SDCCAG8: variants seen among roughly 807,000 people sequenced by gnomAD.
The protein encoded by SDCCAG8 is SHH signaling and ciliogenesis regulator SDCCAG8, also known as serologically defined colon cancer antigen 8.
A neutral mutation model predicts 101.8 loss-of-function variants in SDCCAG8; 74 were observed. The observed-to-expected ratio is 0.73, with a 90% CI of 0.60 to 0.88. The LOEUF is 0.88. Ranked by LOEUF, SDCCAG8 falls within the 40% of genes least tolerant of loss-of-function variation. The pLI, the probability that SDCCAG8 is intolerant of heterozygous loss-of-function variation, is 0.00. For synonymous variants in SDCCAG8, 281 were observed against 292.9 expected, an observed-to-expected ratio of 0.96 and a Z score of 0.41; for missense variants, 787 against 822.6, an observed-to-expected ratio of 0.96 and a Z score of 0.53.
At chr1:243,268,144 C>G in intron 1 of SDCCAG8, 1 of 637,948 alleles carries the variant, frequency 1.6e-6, no homozygotes, top group Non-Finnish European at 2.8e-6. Context: ...CCTGTTTCTT[C>G]CGTAATCACC....
chr1:243,388,411 G>T (rs960292011), intron 13 of SDCCAG8, among the ~76,000 whole-genome samples: 1 of 152,112 alleles, frequency 6.6e-6, no homozygotes, highest in African/African-American at 2.4e-5. Flanking sequence ...CGCACTTTTG[G>T]GTGCTGTGGC....
intron 13 of SDCCAG8, among the ~76,000 whole-genome samples, chr1:243,413,422 T>G (rs1313378982): frequency 6.6e-6 from 1 of 152,194 alleles, no homozygotes; most frequent in Non-Finnish European, 1.5e-5. Context: ...GCCATGCTGA[T>G]CTCTAACTCC....
chr1:243,439,217 A>G (rs1005262055), intron 16 of SDCCAG8, among the ~76,000 whole-genome samples: 25 of 151,988 alleles, frequency 1.6e-4, no homozygotes, highest in African/African-American at 5.6e-4. Flanking sequence ...GCAGTTGTGC[A>G]GTCATGGCTC....
At chr1:243,320,123 A>T (rs1318429158) in intron 9 of SDCCAG8, among the ~76,000 whole-genome samples, 1 of 152,124 alleles carries the variant, frequency 6.6e-6, no homozygotes, top group African/African-American at 2.4e-5. Flanking sequence ...ACTCACTAAC[A>T]TGCTCTGATC....
intron 6 of SDCCAG8, among the ~76,000 whole-genome samples, chr1:243,300,217 A>C (rs972070425): frequency 7.9e-5 from 12 of 152,134 alleles, no homozygotes; most frequent in Non-Finnish European, 1.6e-4. Context: ...GTCTGAAAAA[A>C]ATCTTTAGTA....
intron 1 of SDCCAG8, among the ~76,000 whole-genome samples, chr1:243,266,134 G>T (rs927156832): frequency 6.6e-6 from 1 of 152,072 alleles, no homozygotes; most frequent in East Asian, 1.9e-4. Flanking sequence ...ATTAAATAAA[G>T]CTAGTTAACA....
intron 8 of SDCCAG8, among the ~76,000 whole-genome samples, chr1:243,309,002 A>G (rs1198925960): frequency 1.3e-5 from 2 of 152,084 alleles, no homozygotes; most frequent in Non-Finnish European, 2.9e-5. Context: ...TTTGTCCTCA[A>G]CTGACTTAGG....
chr1:243,272,503 C>T (rs12760694), intron 3 of SDCCAG8, among the ~76,000 whole-genome samples: 2,750 of 152,276 alleles, frequency 0.018, 36 homozygotes, highest in Non-Finnish European at 0.028. Flanking sequence ...CTAGCTTGCT[C>T]TTAAGCACAG....
intron 16 of SDCCAG8, among the ~76,000 whole-genome samples, chr1:243,487,372 G>C (rs923619226): frequency 6.6e-6 from 1 of 152,262 alleles, no homozygotes; most frequent in Non-Finnish European, 1.5e-5. Flanking sequence ...GGGACGGGTA[G>C]GGGCCGATGA....
At chr1:243,487,525 TGGAG>T (rs1185057603) in intron 16 of SDCCAG8, among the ~76,000 whole-genome samples, 1 of 152,162 alleles carries the variant, frequency 6.6e-6, no homozygotes, top group Non-Finnish European at 1.5e-5. Context: ...CCTACTTGGA[TGGAG>T]GATCTTTGCT....
At chr1:243,327,260 T>C (rs1195404384) in intron 9 of SDCCAG8, among the ~76,000 whole-genome samples, 3 of 150,014 alleles carry the variant, frequency 2.0e-5, no homozygotes, top group Non-Finnish European at 3.0e-5. Flanking sequence ...TCAGTTACTA[T>C]AAAATTATAA....
chr1:243,407,222 A>G (rs2079848661), intron 13 of SDCCAG8, among the ~76,000 whole-genome samples: 1 of 152,232 alleles, frequency 6.6e-6, no homozygotes, highest in Non-Finnish European at 1.5e-5. Flanking sequence ...CATGTGAGGC[A>G]GTGCCATGGA....
intron 17 of SDCCAG8, among the ~76,000 whole-genome samples, chr1:243,495,296 C>T (rs901991427): frequency 1.3e-5 from 2 of 152,236 alleles, no homozygotes; most frequent in Admixed American, 6.5e-5. Context: ...TCTTACGGAA[C>T]GTCCCACTTC....
chr1:243,487,745 G>C (rs1665306308), intron 16 of SDCCAG8: 1 of 152,328 alleles, frequency 6.6e-6, no homozygotes, highest in Non-Finnish European at 1.5e-5. Flanking sequence ...GGGAGGCGGG[G>C]CTTCCTGGGA....
At chr1:243,310,737 A>G (rs534859574) in intron 8 of SDCCAG8, among the ~76,000 whole-genome samples, 4 of 152,332 alleles carry the variant, frequency 2.6e-5, no homozygotes, top group African/African-American at 9.6e-5. Flanking sequence ...CAAAAGACCA[A>G]TAGAATAAAT....
At position 243,394,682 on chromosome 1, in the gene SDCCAG8, G is replaced by A. The variant is rs185948917; in HGVS notation, c.1616+15819G>A. 2.6e-3 allele frequency among the ~76,000 whole-genome samples: 400 copies of A among 152,296 alleles called. 1 individual carries two copies. Among genetic ancestry groups the A allele is most frequent in the Non-Finnish European group, 4.2e-3 (284 of 68,016 alleles). On this transcript the variant is annotated intron_variant, in intron 13 of 17. Coordinates refer to ENST00000366541, the MANE Select transcript of SDCCAG8 (RefSeq NM_006642.5). ...ATTAAGGTCAGTTCTTTATTAAGGA[G>A]TTTAAATATTTTACCTTCCATCCTA...
At chr1:243,289,086 T>C (rs1013341020) in intron 5 of SDCCAG8, among the ~76,000 whole-genome samples, 3 of 151,678 alleles carry the variant, frequency 2.0e-5, no homozygotes, top group African/African-American at 7.3e-5. Context: ...TATGATATAA[T>C]ATATATATAT....
chr1:243,276,506 T>C (rs956666382), intron 4 of SDCCAG8, among the ~76,000 whole-genome samples: 1 of 152,208 alleles, frequency 6.6e-6, no homozygotes, highest in African/African-American at 2.4e-5. Context: ...TTTAGGTTTA[T>C]AGAAAGGTTG....
chr1:243,372,570 G>T (rs1282764207), intron 12 of SDCCAG8, among the ~76,000 whole-genome samples: 4 of 151,912 alleles, frequency 2.6e-5, no homozygotes, highest in African/African-American at 9.7e-5. Flanking sequence ...TTCTTTTAAT[G>T]AAACTTTTTA....
Sources: gnomAD v4.1 joint callset for allele counts (sites outside exome capture counted in the v4.1 genomes callset) on GRCh38, gnomAD v4.1.1 for gene constraint, MANE v1.5 for transcripts, NCBI Gene and HGNC (gene_info 2026-07-23, HGNC 2026-07-21) for gene names.